CACNA2D2: variants seen among roughly 807,000 people sequenced by gnomAD.
The protein encoded by CACNA2D2 is calcium voltage-gated channel auxiliary subunit alpha2delta 2.
Under a neutral mutation model 166.4 loss-of-function variants are expected in CACNA2D2, and 48 were observed. That is an observed-to-expected ratio of 0.29 (90% confidence interval 0.23 to 0.37). The LOEUF is 0.37. CACNA2D2 is among the 10% of genes least tolerant of loss of function. The pLI is 1.00. For synonymous variants in CACNA2D2, 561 were observed against 573.7 expected, an observed-to-expected ratio of 0.98 and a Z score of 0.32; for missense variants, 1,122 against 1,433.0, an observed-to-expected ratio of 0.78 and a Z score of 3.50.
rs200596296 is a variant in CACNA2D2, at chr3:50,367,747, T to A, written c.2235-43A>T. ...GTGGGGTCACAGGCCTGCCTTCTGC[T>A]GGGCAGGTCCAGGGCCTCTGGGCCC... On this transcript the variant is annotated intron_variant, in intron 25 of 37. Coordinates refer to ENST00000424201, the MANE Select transcript of CACNA2D2 (RefSeq NM_006030.4). The surrounding 1 kb of genome is among the most constrained non-coding windows in gnomAD (Gnocchi z 6.5). 409 of 1,611,428 alleles carry A rather than the reference T, an allele frequency of 2.5e-4. 2 individuals are homozygous for A. The East Asian group carries it at 8.9e-3, about 35-fold the overall frequency.
intron 3 of CACNA2D2, among the ~76,000 whole-genome samples, chr3:50,414,286 C>G (rs1707168048): frequency 6.6e-6 from 1 of 152,040 alleles, no homozygotes; most frequent in African/African-American, 2.4e-5. Flanking sequence ...CGTGGCCAAG[C>G]CCAGGTATGG....
At chr3:50,403,121 C>A (rs17606778) in intron 3 of CACNA2D2, among the ~76,000 whole-genome samples, 19,249 of 152,204 alleles carry the variant, frequency 0.13, 1,670 homozygotes, top group Non-Finnish European at 0.19. Flanking sequence ...GGGAGCACTG[C>A]CCTCACCTCT....
intron 2 of CACNA2D2, among the ~76,000 whole-genome samples, chr3:50,453,568 C>G (rs1380251298): frequency 1.3e-5 from 2 of 152,150 alleles, no homozygotes; most frequent in African/African-American, 4.8e-5. Flanking sequence ...TTATTAGGAC[C>G]TTCTCCATTA....
intron 3 of CACNA2D2, among the ~76,000 whole-genome samples, chr3:50,413,739 T>G (rs941047970): frequency 4.8e-4 from 73 of 152,170 alleles, no homozygotes; most frequent in African/African-American, 1.6e-3. Flanking sequence ...CCCAGTTACT[T>G]GGGAGGATGA....
chr3:50,377,647 G>T, intron 16 of CACNA2D2, 85 bp downstream of exon 16: 3 of 1,558,350 alleles, frequency 1.9e-6, no homozygotes, highest in Non-Finnish European at 2.6e-6. Context: ...GGCCTGCCCT[G>T]CCCCTCTTCC....
intron 15 of CACNA2D2, 63 bp downstream of exon 15, chr3:50,377,945 C>A (rs1335387652): frequency 6.4e-7 from 1 of 1,562,638 alleles, no homozygotes; most frequent in Non-Finnish European, 8.8e-7. Flanking sequence ...GGGTCTTGAC[C>A]CTGTGGGCAC....
rs763925864 is a variant in CACNA2D2, at chr3:50,376,001, A to G, written c.1735T>C (p.Phe579Leu). ...TCATCCTCTAGCTCCGCATCCAGGA[A>G]GTCCAGAGTCACAGGCTCCCGGAAG... Reference protein sequence around the residue: ...TNFREPVTLDFLDAELEDENK... With the variant: ...TNFREPVTLDLLDAELEDENK... Residue 579 changes from phenylalanine to leucine, a missense_variant, in exon 19 of 38, where the codon TTC becomes CTC. Transcript: ENST00000424201. This position sits in a 1 kb window ranked among gnomAD's most constrained non-coding sequence, Gnocchi z 4.3. 8.7e-6 allele frequency: 14 copies of G among 1,613,188 alleles called. No homozygotes were observed. The highest frequency in any genetic ancestry group is 1.3e-5 in the African/African-American group (1 of 74,876).
rs201985877 is a variant in CACNA2D2, at chr3:50,378,095, T to C, written c.1392A>G (p.Glu464=). 6.3e-5 allele frequency: 102 copies of C among 1,610,972 alleles called. 1 individual carries two copies. The Admixed American group carries it at 1.7e-3, about 27-fold the overall frequency. ...TGGGCCTGCCCAACACATCTAGATA[T>C]TCCTGGGGAGGGGGCAGTGGTGGGG... ...SIGAIRINTQ[E]YLDVLGRPMV... Residue 464 remains glutamate, a splice_region_variant and synonymous_variant, in exon 15 of 38, where the codon GAA becomes GAG. Transcript: ENST00000424201.
At position 50,364,683 on chromosome 3, in the gene CACNA2D2, C is replaced by T. The variant is rs1285015606; in HGVS notation, c.3415G>A (p.Ala1139Thr). The T allele has an allele frequency of 3.9e-6, 6 of 1,535,686 alleles. No homozygotes were observed. The South Asian group carries it at 7.2e-5, about 18-fold the overall frequency. The change falls in exon 38 of 38, where the codon GCC becomes ACC. Residue 1139 changes from alanine (A) to threonine (T), a missense_variant. By Grantham distance (58) the Ala-to-Thr change is moderately conservative. Coordinates refer to ENST00000424201, the MANE Select transcript of CACNA2D2 (RefSeq NM_006030.4). ...CAGGGTGCTCAGAGGCGGCGAGAGGCGTGGACGAGGACTTGAGGCTGCGGC... is the reference window on the plus strand; with the variant it reads ...CAGGGTGCTCAGAGGCGGCGAGAGGTGTGGACGAGGACTTGAGGCTGCGGC... ...PRPQPQVLVH[A>T]SRRL
At chr3:50,476,328 AC>A (rs1697765337) in intron 1 of CACNA2D2, 129 bp from the exon 2 acceptor site, 1 of 674,730 alleles carries the variant, frequency 1.5e-6, no homozygotes, top group Non-Finnish European at 2.6e-6. Context: ...AGGAGGACCC[AC>A]AGCAAGGAAC....
chr3:50,392,393 G>A (rs1371970659), intron 4 of CACNA2D2, among the ~76,000 whole-genome samples: 1 of 152,182 alleles, frequency 6.6e-6, no homozygotes, highest in Non-Finnish European at 1.5e-5. Context: ...TGGGAAGGAG[G>A]GAGGTGACTA....
At chr3:50,428,594 C>T (rs1453154088) in intron 3 of CACNA2D2, among the ~76,000 whole-genome samples, 2 of 152,218 alleles carry the variant, frequency 1.3e-5, no homozygotes, top group Non-Finnish European at 2.9e-5. Flanking sequence ...CCCAGAGAGG[C>T]CACCAATGGT....
At position 50,374,821 on chromosome 3, in the gene CACNA2D2, G is replaced by T; in HGVS notation, c.1908-8C>A. On this transcript the variant is annotated splice_polypyrimidine_tract_variant and splice_region_variant and intron_variant, in intron 21 of 37. Coordinates refer to ENST00000424201, the MANE Select transcript of CACNA2D2 (RefSeq NM_006030.4). ...GGGAGCACCAGCCCCAGGCTGAGGGGGGAGAAGCTCGGGTCACGGCTGGGG... is the reference window on the plus strand; with the variant it reads ...GGGAGCACCAGCCCCAGGCTGAGGGTGGAGAAGCTCGGGTCACGGCTGGGG... The T allele has an allele frequency of 6.3e-7, 1 of 1,584,774 alleles. No homozygotes were observed. Among genetic ancestry groups the T allele is most frequent in the East Asian group, 2.3e-5 (1 of 43,500 alleles).
chr3:50,407,160 C>T (rs1436194603), intron 3 of CACNA2D2, among the ~76,000 whole-genome samples: 1 of 151,786 alleles, frequency 6.6e-6, no homozygotes, highest in Non-Finnish European at 1.5e-5. Context: ...AAGGTGAAGA[C>T]AACGAGGTCA....
chr3:50,377,232 A>C (rs1705039883), intron 17 of CACNA2D2, among the ~76,000 whole-genome samples: 2 of 152,210 alleles, frequency 1.3e-5, no homozygotes, highest in African/African-American at 4.8e-5. Flanking sequence ...ACCGAGTAAG[A>C]GATGGGTATG....
intron 2 of CACNA2D2, among the ~76,000 whole-genome samples, chr3:50,459,431 C>T (rs1210197854): frequency 6.6e-6 from 1 of 152,068 alleles, no homozygotes; most frequent in African/African-American, 2.4e-5. Context: ...AGGGTCTTCC[C>T]AACTCTCTCA....
At chr3:50,500,143 C>A (rs1272961035) in intron 1 of CACNA2D2, among the ~76,000 whole-genome samples, 1 of 152,214 alleles carries the variant, frequency 6.6e-6, no homozygotes, top group African/African-American at 2.4e-5. Flanking sequence ...CTGACGCATG[C>A]CCTGTTGTAG....
At chr3:50,500,448 G>C (rs1462342524) in intron 1 of CACNA2D2, among the ~76,000 whole-genome samples, 1 of 152,172 alleles carries the variant, frequency 6.6e-6, no homozygotes, top group East Asian at 1.9e-4. Context: ...GACAAAAGAG[G>C]CGGGCAGGGA....
At chr3:50,410,480 T>TG (rs34908525) in intron 3 of CACNA2D2, among the ~76,000 whole-genome samples, 9,869 of 141,262 alleles carry the variant, frequency 0.07, 539 homozygotes, top group African/African-American at 0.15. Context: ...CTCCCTGGGA[T>TG]GGGGGGGGGG....
Sources: gnomAD v4.1 joint callset for allele counts (sites outside exome capture counted in the v4.1 genomes callset) on GRCh38, gnomAD v4.1.1 for gene constraint, Gnocchi (gnomAD v3.1) non-coding constraint, MANE v1.5 for transcripts, NCBI Gene and HGNC (gene_info 2026-07-23, HGNC 2026-07-21) for gene names.